The following PBX3 variants were observed in gnomAD, a reference collection of about 807,000 sequenced individuals.
The protein encoded by PBX3 is PBX homeobox 3.
In PBX3, 14 loss-of-function variants were observed where a neutral mutation model predicts 48.5. The ratio of observed to expected loss-of-function variants is 0.29; its 90% CI spans 0.19 to 0.45. The LOEUF is 0.45. PBX3 is among the 20% of genes least tolerant of loss of function. The pLI is 1.00. For synonymous variants in PBX3, 210 were observed against 200.3 expected, an observed-to-expected ratio of 1.05 and a Z score of -0.41; for missense variants, 386 against 546.7, an observed-to-expected ratio of 0.71 and a Z score of 2.93.
chr9:125,780,102 T>G (rs1335268509), intron 2 of PBX3, among the ~76,000 whole-genome samples: 1 of 70,972 alleles, frequency 1.4e-5, no homozygotes, highest in Non-Finnish European at 2.8e-5. Flanking sequence ...GGCGGCTGGC[T>G]GGGCAGAGGG....
At chr9:125,890,975 A>G (rs1032263673) in intron 2 of PBX3, among the ~76,000 whole-genome samples, 15 of 152,224 alleles carry the variant, frequency 9.9e-5, no homozygotes, top group African/African-American at 3.6e-4. Flanking sequence ...TCCAAAAGGA[A>G]CTAGGCCATC....
intron 2 of PBX3, among the ~76,000 whole-genome samples, chr9:125,865,104 T>C (rs1002143530): frequency 3.3e-5 from 5 of 152,228 alleles, no homozygotes; most frequent in Non-Finnish European, 5.9e-5. Flanking sequence ...CTTGTGGCCA[T>C]GCCACATCAG....
intron 5 of PBX3, among the ~76,000 whole-genome samples, chr9:125,947,300 GATA>G (rs1842086307): frequency 6.6e-6 from 1 of 152,048 alleles, no homozygotes; most frequent in African/African-American, 2.4e-5. Flanking sequence ...TTAAAATAAA[GATA>G]ATGTCTTATT....
chr9:125,954,597 G>A (rs7873205), intron 5 of PBX3, among the ~76,000 whole-genome samples: 85,436 of 151,976 alleles, frequency 0.56, 26,804 homozygotes, highest in Middle Eastern at 0.73. Context: ...GTGCAGTGGC[G>A]CAATCTTGGC....
chr9:125,936,093 C>T (rs921889600), intron 5 of PBX3, among the ~76,000 whole-genome samples: 3 of 152,164 alleles, frequency 2.0e-5, no homozygotes, highest in African/African-American at 7.2e-5. Context: ...TCTTTGCTTC[C>T]TTATTATCCA....
chr9:125,936,394 T>A (rs539199986), intron 5 of PBX3, among the ~76,000 whole-genome samples: 107 of 152,350 alleles, frequency 7.0e-4, no homozygotes, highest in African/African-American at 2.4e-3. Context: ...GAAGAGCATT[T>A]CTTTATAGCA....
intron 1 of PBX3, chr9:125,748,185 A>T: frequency 1.0e-6 from 1 of 959,616 alleles, no homozygotes; most frequent in East Asian, 1.1e-4. Flanking sequence ...CGCTGGCCGC[A>T]GTCGGCCGGC....
chr9:125,873,275 T>A (rs1588244928), intron 2 of PBX3, among the ~76,000 whole-genome samples: 1 of 152,146 alleles, frequency 6.6e-6, no homozygotes, highest in East Asian at 1.9e-4. Flanking sequence ...ATCATATCCC[T>A]GTTGGCAACT....
chr9:125,934,758 A>G (rs1158391292), intron 4 of PBX3, among the ~76,000 whole-genome samples: 1 of 151,744 alleles, frequency 6.6e-6, no homozygotes, highest in African/African-American at 2.4e-5. Context: ...CATTCAATAC[A>G]TCATCAGGTC....
At chr9:125,805,042 A>T (rs2132108479) in intron 2 of PBX3, among the ~76,000 whole-genome samples, 1 of 152,202 alleles carries the variant, frequency 6.6e-6, no homozygotes, top group African/African-American at 2.4e-5. Flanking sequence ...CATAGACAAA[A>T]TCCAAGTATA....
At chr9:125,749,147 T>C (rs1836295191) in intron 2 of PBX3, 1 of 156,006 alleles carries the variant, frequency 6.4e-6, no homozygotes, top group Non-Finnish European at 1.4e-5. Flanking sequence ...AGGGTAATGA[T>C]GTGTAGACAC....
intron 3 of PBX3, among the ~76,000 whole-genome samples, chr9:125,926,764 G>A (rs888451121): frequency 6.6e-6 from 1 of 152,200 alleles, no homozygotes; most frequent in Non-Finnish European, 1.5e-5. Context: ...AGATTGCAGT[G>A]AGCCAAGATC....
At chr9:125,788,114 T>A (rs1385868952) in intron 2 of PBX3, among the ~76,000 whole-genome samples, 1 of 152,256 alleles carries the variant, frequency 6.6e-6, no homozygotes, top group Non-Finnish European at 1.5e-5. Flanking sequence ...CAACAGTGGA[T>A]GCTACCTTGC....
chr9:125,877,522 T>C (rs1247128925), intron 2 of PBX3, among the ~76,000 whole-genome samples: 1 of 152,228 alleles, frequency 6.6e-6, no homozygotes, highest in Non-Finnish European at 1.5e-5. Flanking sequence ...GAGATATGCT[T>C]AACCCATAAA....
intron 5 of PBX3, among the ~76,000 whole-genome samples, chr9:125,942,467 T>G (rs1049877695): frequency 1.3e-5 from 2 of 152,194 alleles, no homozygotes; most frequent in African/African-American, 4.8e-5. Flanking sequence ...TAATTAAAAT[T>G]TGTAAGTAAG....
intron 2 of PBX3, among the ~76,000 whole-genome samples, chr9:125,855,733 G>A (rs544216444): frequency 6.6e-6 from 1 of 152,060 alleles, no homozygotes; most frequent in African/African-American, 2.4e-5. Flanking sequence ...AACCAAATGA[G>A]GGCAATAAAG....
At chr9:125,957,050 T>C (rs549914311) in intron 5 of PBX3, among the ~76,000 whole-genome samples, 17 of 152,252 alleles carry the variant, frequency 1.1e-4, no homozygotes, top group Non-Finnish European at 2.4e-4. Context: ...TAGGTGTCGA[T>C]TGATACATTA....
At chr9:125,854,833 A>G (rs1839678829) in intron 2 of PBX3, among the ~76,000 whole-genome samples, 1 of 152,158 alleles carries the variant, frequency 6.6e-6, no homozygotes, top group South Asian at 2.1e-4. Flanking sequence ...CCAAACTCCC[A>G]GTTTTGCTAT....
intron 2 of PBX3, among the ~76,000 whole-genome samples, chr9:125,897,141 GTT>G (rs371641194): frequency 1.1e-3 from 123 of 108,912 alleles, no homozygotes; most frequent in African/African-American, 3.9e-3. Flanking sequence ...TTCATTTGTG[GTT>G]TTTTTTTTTT....
Sources: allele counts gnomAD v4.1 joint callset (sites outside exome capture counted in the v4.1 genomes callset), GRCh38; gene constraint gnomAD v4.1.1; transcripts MANE v1.5; gene names NCBI Gene and HGNC (gene_info 2026-07-23, HGNC 2026-07-21).